Variants in NABP2 observed in about 807,000 individuals in gnomAD.
NABP2 encodes the protein nucleic acid binding protein 2.
A neutral mutation model predicts 22.7 loss-of-function variants in NABP2; 7 were observed. That is an observed-to-expected ratio of 0.31 (90% CI 0.18 to 0.58). NABP2 has a LOEUF of 0.58. Among genes scored for constraint, NABP2 ranks in the 20% least tolerant of loss-of-function variants. NABP2 has a pLI of 0.89. For missense variants in NABP2, 188 were observed against 265.9 expected (o/e 0.71, Z 2.04); for synonymous variants, 107 against 99.2 (o/e 1.08, Z -0.47).
Position 56,226,466 on chromosome 12 carries a change from C to A in NABP2, c.436+47C>A, listed in dbSNP as rs750173515. The A allele has an allele frequency of 3.3e-6, 5 of 1,527,472 alleles. No individual in the cohort carries two copies. In the South Asian group the frequency reaches 5.6e-5, roughly 17 times the overall value. 94.6% of individuals were successfully genotyped at this position (1,527,472 alleles called of 1,614,324 possible). ...CACTGGTCCTCCTAGCTCTCCCACT[C>A]TCCTCAGCCTAGAAAGATGCATTTC... is the stretch of plus-strand genomic sequence containing the variant. On this transcript the variant is annotated intron_variant, in intron 6 of 6. Transcript: ENST00000267023.
chr12:56,224,493 C>T, intron 1 of NABP2, 52 bp downstream of exon 1: 1 of 1,069,400 alleles, frequency 9.4e-7, no homozygotes, highest in Non-Finnish European at 1.1e-6. Context: ...CCCGGCTTGT[C>T]GGGATGAGGG....
rs1869693362 is a variant in NABP2 at position 56,224,954 on chromosome 12, C to T, written c.79+19C>T. On this transcript the variant is annotated intron_variant, in intron 2 of 6. Transcript: ENST00000267023. ...GAGACAGGTGTCTATACTGGGGTGG[C>T]GGGTTCGCGGGATGGGGGTCGGGGG... 1 of 1,148,330 alleles carries T rather than the reference C, an allele frequency of 8.7e-7. No individual in the cohort carries two copies. 71.1% of individuals were successfully genotyped at this position (1,148,330 alleles called of 1,614,324 possible). A position where few individuals can be genotyped will look rare whatever the true frequency, so the allele number is the denominator to read the frequency against.
At position 56,224,398 on chromosome 12, in the gene NABP2, T is replaced by TGCGGGCTGCTCA. The variant is rs2135828154; in HGVS notation, c.-62_-51dup. ...CGGCAGCGGAGCCTGTGGCTCCCCCTGCGGGCTGCTCAGCGGCGTGCACAG... is the reference window on the plus strand; with the variant it reads ...CGGCAGCGGAGCCTGTGGCTCCCCCTGCGGGCTGCTCAGCGGGCTGCTCAGCGGCGTGCACAG... On this transcript the variant is annotated 5_prime_UTR_variant, in exon 1 of 7. Coordinates refer to ENST00000267023, the MANE Select transcript of NABP2 (RefSeq NM_024068.4). 1.0e-6 allele frequency: 1 copy of TGCGGGCTGCTCA among 991,766 alleles called. No homozygotes were observed. The highest frequency in any genetic ancestry group is 1.7e-5 in the African/African-American group (1 of 57,500). 61.4% of individuals were successfully genotyped at this position (991,766 alleles called of 1,614,324 possible).
chr12:56,229,087 T>TTGCCCCCAC lies in NABP2; in HGVS notation c.510_511insTGCCCCCAC (p.Thr170_Pro171insCysProHis). 6.6e-7 allele frequency: 1 copy of TTGCCCCCAC among 1,512,338 alleles called. No homozygotes were observed. Among genetic ancestry groups the TTGCCCCCAC allele is most frequent in the Non-Finnish European group, 9.1e-7 (1 of 1,102,006 alleles). The allele number at this position is 1,512,338 out of a possible 1,614,324, so 93.7% of individuals were successfully genotyped here. On this transcript the variant is annotated inframe_insertion, in exon 7 of 7. Coordinates refer to ENST00000267023, the MANE Select transcript of NABP2 (RefSeq NM_024068.4). ...GTGGTGGCCCACATCCCCCTCATAC[T>TTGCCCCCAC]CCCTCCCACCCACCCAGCACCCGAA...
chr12:56,222,738 A>C (rs1869553630), upstream of NABP2, among the ~76,000 whole-genome samples: 1 of 152,264 alleles, frequency 6.6e-6, no homozygotes, highest in African/African-American at 2.4e-5. Flanking sequence ...GGTATTAAAT[A>C]GTATGGTATT....
upstream of NABP2, among the ~76,000 whole-genome samples, chr12:56,222,818 TTTG>T (rs1396315084): frequency 5.9e-5 from 9 of 152,240 alleles, no homozygotes; most frequent in African/African-American, 1.9e-4. Context: ...CTTTATGTAA[TTTG>T]TTTATACACA....
intron 4 of NABP2, 80 bp downstream of exon 4, chr12:56,225,775 C>G: frequency 7.3e-7 from 1 of 1,361,108 alleles, no homozygotes; most frequent in East Asian, 2.3e-5. Flanking sequence ...GGTGTGCAGT[C>G]CAAGCCTCAT....
Position 56,224,387 on chromosome 12 carries a change from G to A in NABP2, c.-78G>A, listed in dbSNP as rs1014182513. 6.1e-6 allele frequency: 6 copies of A among 990,704 alleles called. No homozygotes were observed. In the East Asian group the frequency reaches 5.5e-4, roughly 91 times the overall value. The allele number at this position is 990,704 out of a possible 1,614,324, so 61.4% of individuals were successfully genotyped here. A position where few individuals can be genotyped will look rare whatever the true frequency, so the allele number is the denominator to read the frequency against. ...GCAGCATCCGGCGGCAGCGGAGCCTGTGGCTCCCCCTGCGGGCTGCTCAGC... is the reference window on the plus strand; with the variant it reads ...GCAGCATCCGGCGGCAGCGGAGCCTATGGCTCCCCCTGCGGGCTGCTCAGC... On this transcript the variant is annotated 5_prime_UTR_variant, in exon 1 of 7. The change creates a new upstream start codon in the 5' untranslated region. Coordinates refer to ENST00000267023, the MANE Select transcript of NABP2 (RefSeq NM_024068.4).
chr12:56,225,004 G>A (rs1869697046), intron 2 of NABP2, 69 bp downstream of exon 2: 1 of 1,198,188 alleles, frequency 8.3e-7, no homozygotes, highest in Non-Finnish European at 1.2e-6. Flanking sequence ...CGCTGTCTGC[G>A]TTCTTAACTT....
Position 56,226,514 on chromosome 12 carries a change from TC to T in NABP2, c.436+96del. On this transcript the variant is annotated intron_variant, in intron 6 of 6. Coordinates refer to ENST00000267023, the MANE Select transcript of NABP2 (RefSeq NM_024068.4). Reference sequence around the variant, plus strand: ...TTCCCTCATTCCTTTTCCAAATCTCTCTTTTCTCAGTGTATCCTCCTTCACC... The same window carrying T: ...TTCCCTCATTCCTTTTCCAAATCTCTTTTTCTCAGTGTATCCTCCTTCACC... 4 of 1,050,982 alleles carry T rather than the reference TC, an allele frequency of 3.8e-6. No homozygotes were observed. The South Asian group carries it at 5.1e-5, about 13-fold the overall frequency. 65.1% of individuals were successfully genotyped at this position (1,050,982 alleles called of 1,614,324 possible).
At chr12:56,228,386 CTTT>C (rs776947930) in intron 6 of NABP2, among the ~76,000 whole-genome samples, 4 of 137,606 alleles carry the variant, frequency 2.9e-5, no homozygotes, top group Non-Finnish European at 4.8e-5. Context: ...GTGAAGGGGC[CTTT>C]TTTTTTTTTT....
Position 56,229,797 on chromosome 12 carries a change from G to C in NABP2, c.*584G>C, listed in dbSNP as rs1030952608. On this transcript the variant is annotated 3_prime_UTR_variant, in exon 7 of 7. Coordinates refer to ENST00000267023, the MANE Select transcript of NABP2 (RefSeq NM_024068.4). The stretch of plus-strand genomic sequence containing the variant: ...ATGGCAGTTACCATCTGTTTCTTCT[G>C]TGTGAGACATGGGAGTCTAACTGAA... 3.2e-5 allele frequency: 5 copies of C among 156,288 alleles called. No individual in the cohort carries two copies. Among genetic ancestry groups the C allele is most frequent in the African/African-American group, 1.2e-4 (5 of 41,418 alleles). The allele number at this position is 156,288 out of a possible 1,614,324, so 9.7% of individuals were successfully genotyped here.
At position 56,229,158 on chromosome 12, in the gene NABP2, C is replaced by T. The variant is rs1326645972; in HGVS notation, c.581C>T (p.Pro194Leu). Residue 194 changes from proline to leucine, a missense_variant, in exon 7 of 7, where the codon CCT (proline) becomes CTT (leucine). By Grantham distance (98) the Pro-to-Leu change is moderately conservative. Coordinates refer to ENST00000267023, the MANE Select transcript of NABP2 (RefSeq NM_024068.4). The part of the protein sequence containing the change: ...PNHTPAGPPG[P>L]SSNPVSNGKE... ...CACACACCTGCAGGCCCGCCTGGCCCTTCCAGCAACCCTGTTAGTAACGGC... is the reference window on the plus strand; with the variant it reads ...CACACACCTGCAGGCCCGCCTGGCCTTTCCAGCAACCCTGTTAGTAACGGC... 10 of 1,612,566 alleles carry T rather than the reference C, an allele frequency of 6.2e-6. No individual in the cohort carries two copies. Among genetic ancestry groups the T allele is most frequent in the Non-Finnish European group, 8.5e-6 (10 of 1,179,888 alleles).
At position 56,225,531 on chromosome 12, in the gene NABP2, C is replaced by G; in HGVS notation, c.218+20C>G. ...CAAAGGGTAAGTCAGCTGGTGACTTCTGGCCTTCCAAAGGCAACAACAATC... is the reference window on the plus strand; with the variant it reads ...CAAAGGGTAAGTCAGCTGGTGACTTGTGGCCTTCCAAAGGCAACAACAATC... On this transcript the variant is annotated intron_variant, in intron 3 of 6. Transcript: ENST00000267023. The G allele has an allele frequency of 6.2e-7, 1 of 1,614,214 alleles. No individual in the cohort carries two copies. Among genetic ancestry groups the G allele is most frequent in the Non-Finnish European group, 8.5e-7 (1 of 1,180,022 alleles).
intron 6 of NABP2, among the ~76,000 whole-genome samples, chr12:56,228,531 C>T (rs1355502170): frequency 6.6e-6 from 1 of 151,922 alleles, no homozygotes; most frequent in Non-Finnish European, 1.5e-5. Context: ...GGATTACAGG[C>T]GCCTGCCACC....
upstream of NABP2, chr12:56,224,297 G>C: frequency 1.0e-6 from 1 of 985,218 alleles, no homozygotes; most frequent in Non-Finnish European, 1.2e-6. Flanking sequence ...GGGCGGTGCT[G>C]ATTGGCCGGA....
chr12:56,227,151 G>A (rs1017717265), intron 6 of NABP2, among the ~76,000 whole-genome samples: 2 of 151,854 alleles, frequency 1.3e-5, no homozygotes, highest in African/African-American at 4.8e-5. Flanking sequence ...AAGGCTGGCA[G>A]ATCACCTGAG....
intron 2 of NABP2, 127 bp from the exon 3 acceptor site, chr12:56,225,246 G>A: frequency 2.3e-6 from 3 of 1,291,756 alleles, no homozygotes; most frequent in South Asian, 1.3e-5. Context: ...ATGCCCCAGG[G>A]ATTTGGGCTT....
At chr12:56,223,967 C>G (rs924857253), upstream of NABP2, among the ~76,000 whole-genome samples, 5 of 152,160 alleles carry the variant, frequency 3.3e-5, no homozygotes, top group African/African-American at 9.7e-5. Context: ...ATTGGAATTA[C>G]ATATGTTTAA....
Sources: allele counts gnomAD v4.1 joint callset (sites outside exome capture counted in the v4.1 genomes callset), GRCh38; gene constraint gnomAD v4.1.1; transcripts MANE v1.5; gene names NCBI Gene and HGNC (gene_info 2026-07-23, HGNC 2026-07-21).